TRRAP: variants seen among roughly 807,000 people sequenced by gnomAD.
TRRAP encodes transformation/transcription domain associated protein, also known as transformation/transcription domain-associated protein.
TRRAP carries 41 observed loss-of-function variants against 438.8 expected under a neutral mutation model. The ratio of observed to expected loss-of-function variants is 0.09; its 90% CI spans 0.07 to 0.12. TRRAP has a LOEUF of 0.12. TRRAP is among the 10% of genes least tolerant of loss of function. The pLI is 1.00. For missense variants in TRRAP, 3,122 were observed against 5,055.1 expected (o/e 0.62, Z 11.60); for synonymous variants, 1,994 against 1,962.9 (o/e 1.02, Z -0.42).
chr7:98,915,708 T>G lies in TRRAP; in HGVS notation c.2200-15T>G, dbSNP rs1789492980. ...CATTTAGATGCCACTAATCTGCGTC[T>G]TCTCCACCCCGCAGCCTCACTTGCA... On this transcript the variant is annotated splice_polypyrimidine_tract_variant and intron_variant, in intron 18 of 72. Coordinates refer to ENST00000456197, the MANE Select transcript of TRRAP (RefSeq NM_001375524.1). 5.0e-6 allele frequency: 8 copies of G among 1,612,148 alleles called. No homozygotes were observed. The East Asian group carries it at 1.8e-4, about 36-fold the overall frequency.
intron 67 of TRRAP, among the ~76,000 whole-genome samples, chr7:98,997,734 A>T (rs1021420153): frequency 1.4e-4 from 22 of 152,202 alleles, no homozygotes; most frequent in Non-Finnish European, 4.4e-5. Context: ...CGCAGAAGGT[A>T]AAGAAAGAGA....
At chr7:98,918,227 C>CTTTTTTTTTTTT (rs71118647) in intron 20 of TRRAP, among the ~76,000 whole-genome samples, 1 of 83,206 alleles carries the variant, frequency 1.2e-5, no homozygotes. Flanking sequence ...GGGTTATATT[C>CTTTTTTTTTTTT]TTTTTTTTTT....
intron 58 of TRRAP, among the ~76,000 whole-genome samples, chr7:98,979,546 A>G (rs1792819745): frequency 6.6e-6 from 1 of 152,188 alleles, no homozygotes; most frequent in African/African-American, 2.4e-5. Context: ...ACACATATGG[A>G]GGACCAGTTG....
At position 98,949,732 on chromosome 7, in the gene TRRAP, C is replaced by T. The variant is rs781885355; in HGVS notation, c.5026C>T (p.Arg1676Cys). ...SQHSLVSQLR[R>C]VWVSENFQER... ...GCACTCTCTGGTGAGCCAGTTGCGACGTGTGTGGGTGAGTGAGAACTTCCA... is the reference window on the plus strand; with the variant it reads ...GCACTCTCTGGTGAGCCAGTTGCGATGTGTGTGGGTGAGTGAGAACTTCCA... Residue 1676 changes from arginine (R) to cysteine (C), a missense_variant, in exon 37 of 73, where the codon CGT becomes TGT. Arg to Cys is a radical substitution (Grantham distance 180). Around this residue, in one of 24 missense-constraint regions of TRRAP, gnomAD observed 272 missense variants for 348.5 expected, o/e 0.78. Transcript: ENST00000456197. The T allele has an allele frequency of 1.4e-5, 22 of 1,613,972 alleles. No individual in the cohort carries two copies. The highest frequency in any genetic ancestry group is 1.5e-5 in the Non-Finnish European group (18 of 1,180,040).
rs371394750 is a variant in TRRAP, at chr7:98,984,145, C to T, written c.9075C>T (p.Asn3025=). The change falls in exon 61 of 73, where the codon AAC becomes AAT. Residue 3025 remains asparagine (N), a synonymous_variant. Coordinates refer to ENST00000456197, the MANE Select transcript of TRRAP (RefSeq NM_001375524.1). ...CTCAGCATGATCCCAGTTCAAATAA[C>T]GCTATGCTTGGGGTTCATGCATCAG... is the stretch of plus-strand genomic sequence containing the variant. The part of the protein sequence containing the change: ...NSSQHDPSSN[N]AMLGVHASAS... 8.7e-6 allele frequency: 14 copies of T among 1,613,700 alleles called. No individual in the cohort carries two copies. Among genetic ancestry groups the T allele is most frequent in the Middle Eastern group, 1.6e-4 (1 of 6,082 alleles).
At chr7:98,922,608 A>G (rs947768626) in intron 21 of TRRAP, among the ~76,000 whole-genome samples, 3 of 151,906 alleles carry the variant, frequency 2.0e-5, no homozygotes, top group South Asian at 4.2e-4. Context: ...CCTTCCCCAC[A>G]TGGTGGCAGC....
intron 48 of TRRAP, among the ~76,000 whole-genome samples, 185 bp downstream of exon 48, chr7:98,964,960 G>GGTT (rs1792085040): frequency 2.6e-5 from 4 of 152,364 alleles, no homozygotes; most frequent in Admixed American, 2.0e-4. Context: ...GTTAAAAATG[G>GGTT]ACTGTTATTA....
At chr7:98,941,842 C>T (rs1584339626) in intron 30 of TRRAP, among the ~76,000 whole-genome samples, 1 of 152,036 alleles carries the variant, frequency 6.6e-6, no homozygotes. Flanking sequence ...GGAAACGCGG[C>T]TTCTCAAAGT....
chr7:98,913,271 TCACTC>T (rs1451366470), intron 18 of TRRAP, among the ~76,000 whole-genome samples: 2 of 152,138 alleles, frequency 1.3e-5, no homozygotes, highest in African/African-American at 4.8e-5. Context: ...GTTGTCCACT[TCACTC>T]AGGTTTTGTT....
chr7:98,952,326 C>T (rs1554418363), intron 39 of TRRAP, among the ~76,000 whole-genome samples: 5 of 152,054 alleles, frequency 3.3e-5, no homozygotes, highest in Non-Finnish European at 5.9e-5. Flanking sequence ...GACATTTTTC[C>T]AGGTCACATT....
At chr7:99,003,676 C>G (rs1443828663) in intron 67 of TRRAP, among the ~76,000 whole-genome samples, 1 of 152,184 alleles carries the variant, frequency 6.6e-6, no homozygotes, top group Non-Finnish European at 1.5e-5. Context: ...TCTTCCTCTC[C>G]ACGCGGTGGG....
At chr7:98,896,732 T>C (rs1470430313) in intron 7 of TRRAP, among the ~76,000 whole-genome samples, 1 of 152,218 alleles carries the variant, frequency 6.6e-6, no homozygotes, top group Non-Finnish European at 1.5e-5. Context: ...TGATATAGGA[T>C]AAAATTGACT....
rs61132070 is a variant in TRRAP at position 98,997,483 on chromosome 7, C to CAAAAAAAAAA, written c.10309+2655_10309+2664dup. Among the ~76,000 whole-genome samples the CAAAAAAAAAA allele has an allele frequency of 1.2e-3, 52 of 42,620 alleles. 10 individuals are homozygous for CAAAAAAAAAA. In the East Asian group the frequency reaches 0.015, roughly 12 times the overall value. The allele number at this position is 42,620 out of a possible 152,430, so 28.0% of individuals were successfully genotyped here. A position where few individuals can be genotyped will look rare whatever the true frequency, so the allele number is the denominator to read the frequency against. On this transcript the variant is annotated intron_variant, in intron 67 of 72. Coordinates refer to ENST00000456197, the MANE Select transcript of TRRAP (RefSeq NM_001375524.1). The stretch of plus-strand genomic sequence containing the variant: ...ATTATCACCCAAAACACTGCTGTTG[C>CAAAAAAAAAA]AAAAAAAAAAAAAAAAAAAAAAAAA...
intron 12 of TRRAP, among the ~76,000 whole-genome samples, chr7:98,905,817 T>C (rs1554407438): frequency 6.6e-6 from 1 of 152,232 alleles, no homozygotes; most frequent in African/African-American, 2.4e-5. Flanking sequence ...TCCTGTTCCC[T>C]TGTCCAAACT....
chr7:98,969,688 G>A (rs1177408714), intron 51 of TRRAP, among the ~76,000 whole-genome samples: 1 of 141,968 alleles, frequency 7.0e-6, no homozygotes, highest in Non-Finnish European at 1.5e-5. Context: ...TCACGGAGGG[G>A]CTCGCAACTC....
chr7:98,997,731 G>A (rs1283281690), intron 67 of TRRAP, among the ~76,000 whole-genome samples: 1 of 152,054 alleles, frequency 6.6e-6, no homozygotes, highest in African/African-American at 2.4e-5. Flanking sequence ...ACACGCAGAA[G>A]GTAAAGAAAG....
At chr7:98,977,747 T>C (rs1792730701) in intron 56 of TRRAP, among the ~76,000 whole-genome samples, 1 of 152,222 alleles carries the variant, frequency 6.6e-6, no homozygotes, top group Non-Finnish European at 1.5e-5. Flanking sequence ...TAGGGTGCTG[T>C]GCCGCGGAAG....
chr7:98,891,192 C>CATATATATATATATATAT (rs782001504), intron 4 of TRRAP, among the ~76,000 whole-genome samples: 1 of 66,878 alleles, frequency 1.5e-5, no homozygotes, highest in Non-Finnish European at 2.8e-5. Context: ...AGAAATAGTC[C>CATATATATATATATATAT]ATATATATAT....
At chr7:99,008,185 A>T (rs904619039) in intron 69 of TRRAP, among the ~76,000 whole-genome samples, 192 bp from the exon 70 acceptor site, 5 of 152,204 alleles carry the variant, frequency 3.3e-5, no homozygotes, top group African/African-American at 1.2e-4. Context: ...GGTGACGATC[A>T]GTTCGTGCCG....
Sources: allele counts gnomAD v4.1 joint callset (sites outside exome capture counted in the v4.1 genomes callset), GRCh38; gene constraint gnomAD v4.1.1; regional missense constraint gnomAD v4.1.1; transcripts MANE v1.5; gene names NCBI Gene and HGNC (gene_info 2026-07-23, HGNC 2026-07-21).